LIMK1: variants seen among roughly 807,000 people sequenced by gnomAD.
LIMK1 encodes the protein LIM domain kinase 1, also known as LIM motif-containing protein kinase.
In LIMK1, 21 loss-of-function variants were observed where a neutral mutation model predicts 77.6. That is an observed-to-expected ratio of 0.27 (90% confidence interval 0.19 to 0.39). LIMK1 has a LOEUF of 0.39. LIMK1 is among the 10% of genes least tolerant of loss of function. The probability of loss-of-function intolerance (pLI) is 1.00; values close to 1 mark genes in which losing one functional copy is unlikely to be tolerated. For missense variants in LIMK1, 696 were observed against 901.6 expected (o/e 0.77, Z 2.92); for synonymous variants, 358 against 370.0 (o/e 0.97, Z 0.37).
At chr7:74,102,768 T>C (rs1799492646) in intron 5 of LIMK1, among the ~76,000 whole-genome samples, 1 of 152,078 alleles carries the variant, frequency 6.6e-6, no homozygotes, top group African/African-American at 2.4e-5. Context: ...CTATTGTCTC[T>C]ATACTGAACT....
chr7:74,105,784 C>T (rs1799556921), intron 5 of LIMK1, 91 bp from the exon 6 acceptor site: 4 of 810,222 alleles, frequency 4.9e-6, no homozygotes, highest in Non-Finnish European at 6.1e-6. Context: ...CCTCCACCTG[C>T]TCACCCTGGA....
At chr7:74,113,368 G>A (rs1554698925) in intron 12 of LIMK1, among the ~76,000 whole-genome samples, 1 of 151,818 alleles carries the variant, frequency 6.6e-6, no homozygotes, top group African/African-American at 2.4e-5. Flanking sequence ...GCTCACGCCT[G>A]TAATCCCAGC....
At position 74,121,250 on chromosome 7, in the gene LIMK1, C is replaced by A. The variant is rs782179446; in HGVS notation, c.1893C>A (p.Thr631=). 3 of 1,613,294 alleles carry A rather than the reference C, an allele frequency of 1.9e-6. No individual in the cohort carries two copies. The highest frequency in any genetic ancestry group is 2.5e-6 in the Non-Finnish European group (3 of 1,179,872). The change falls in exon 16 of 16, where the codon ACC becomes ACA. Residue 631 remains threonine (T), a synonymous_variant. Coordinates refer to ENST00000336180, the MANE Select transcript of LIMK1 (RefSeq NM_002314.4). ...AGCTGGACAGAGGTTTCTGGGAGACCTACCGGCGCGGCGAGAGCGGACTGC... is the reference window on the plus strand; with the variant it reads ...AGCTGGACAGAGGTTTCTGGGAGACATACCGGCGCGGCGAGAGCGGACTGC... ...LEQLDRGFWE[T]YRRGESGLPA... is the part of the protein sequence containing the mutation.
intron 10 of LIMK1, 30 bp downstream of exon 10, chr7:74,109,066 G>C: frequency 6.4e-7 from 1 of 1,566,146 alleles, no homozygotes; most frequent in Non-Finnish European, 8.7e-7. Flanking sequence ...AGCCACCCCC[G>C]CTGTGCGGCC....
chr7:74,088,576 A>T (rs782559897), intron 2 of LIMK1, among the ~76,000 whole-genome samples: 5 of 152,010 alleles, frequency 3.3e-5, no homozygotes, highest in Non-Finnish European at 5.9e-5. Flanking sequence ...CGAGGCAGGC[A>T]GATCACTTGA....
At chr7:74,102,390 A>G (rs1799479029) in intron 5 of LIMK1, among the ~76,000 whole-genome samples, 1 of 150,808 alleles carries the variant, frequency 6.6e-6, no homozygotes, top group Admixed American at 6.7e-5. Context: ...ACATACATGT[A>G]CATGTTGTTA....
intron 12 of LIMK1, among the ~76,000 whole-genome samples, chr7:74,113,661 C>T (rs538522414): frequency 4.6e-5 from 7 of 151,694 alleles, no homozygotes; most frequent in African/African-American, 1.5e-4. Flanking sequence ...GAGGGGCTGA[C>T]AAGAGACCCC....
At chr7:74,093,278 G>T in intron 2 of LIMK1, 1 of 1,535,998 alleles carries the variant, frequency 6.5e-7, no homozygotes, top group South Asian at 1.2e-5. Flanking sequence ...CCAAGAAGAC[G>T]CCGCTTCCTC....
chr7:74,093,633 C>G (rs1168998309), intron 2 of LIMK1, among the ~76,000 whole-genome samples: 1 of 152,214 alleles, frequency 6.6e-6, no homozygotes, highest in Non-Finnish European at 1.5e-5. Context: ...GCAGAGCACC[C>G]CTTTCATGCC....
At chr7:74,107,990 G>A in intron 9 of LIMK1, 33 bp downstream of exon 9, 1 of 1,471,792 alleles carries the variant, frequency 6.8e-7, no homozygotes, top group Non-Finnish European at 9.3e-7. Flanking sequence ...TCCCTCCAGA[G>A]GGACTTCCAG....
intron 13 of LIMK1, 42 bp from the exon 14 acceptor site, chr7:74,120,541 C>T (rs375444246): frequency 5.6e-6 from 9 of 1,608,376 alleles, no homozygotes; most frequent in Non-Finnish European, 7.7e-6. Context: ...ATCCCTGGCA[C>T]CCCCATGTGT....
At chr7:74,105,095 A>G (rs1799540712) in intron 5 of LIMK1, among the ~76,000 whole-genome samples, 1 of 152,190 alleles carries the variant, frequency 6.6e-6, no homozygotes. Flanking sequence ...CTAGGACTAC[A>G]GGCGCCCACT....
chr7:74,108,788 G>T, intron 9 of LIMK1, 117 bp from the exon 10 acceptor site: 1 of 1,474,860 alleles, frequency 6.8e-7, no homozygotes, highest in South Asian at 1.3e-5. Context: ...GGGGAGCTGG[G>T]GGTTCCGTAT....
intron 2 of LIMK1, among the ~76,000 whole-genome samples, chr7:74,086,453 G>A (rs112601418): frequency 0.034 from 5,151 of 152,038 alleles, 300 homozygotes; most frequent in African/African-American, 0.12. Flanking sequence ...TCCATCTCCC[G>A]GGCTAAAGTG....
At chr7:74,106,371 G>C in intron 7 of LIMK1, 128 bp downstream of exon 7, 1 of 973,324 alleles carries the variant, frequency 1.0e-6, no homozygotes. Context: ...GGAGGTGGAG[G>C]CTGCAGTAAG....
At chr7:74,095,102 A>G (rs1438946130) in intron 2 of LIMK1, among the ~76,000 whole-genome samples, 1 of 152,164 alleles carries the variant, frequency 6.6e-6, no homozygotes, top group Non-Finnish European at 1.5e-5. Flanking sequence ...CAGACAGCCC[A>G]TGAGTGATAC....
In LIMK1 at chr7:74,118,959, G is replaced by A. The variant is rs118049027; in HGVS notation, c.1568-1624G>A. On this transcript the variant is annotated intron_variant, in intron 13 of 15. Transcript: ENST00000336180. ...TCATCCAGGCTAGAATGCATGGTGCGATCTCGGCTCACTGCAAGCTCCGCC... is the reference window on the plus strand; with the variant it reads ...TCATCCAGGCTAGAATGCATGGTGCAATCTCGGCTCACTGCAAGCTCCGCC... Among the ~76,000 whole-genome samples the A allele has an allele frequency of 2.6e-4, 39 of 152,082 alleles. No homozygotes were observed. The East Asian group carries it at 6.8e-3, about 26-fold the overall frequency.
At chr7:74,089,955 G>C (rs898079636) in intron 2 of LIMK1, among the ~76,000 whole-genome samples, 1 of 152,136 alleles carries the variant, frequency 6.6e-6, no homozygotes, top group East Asian at 1.9e-4. Context: ...GAGGGAAGCC[G>C]TGTTACAGGA....
At chr7:74,106,026 T>C in intron 6 of LIMK1, 46 bp downstream of exon 6, 1 of 1,612,960 alleles carries the variant, frequency 6.2e-7, no homozygotes, top group Non-Finnish European at 8.5e-7. Flanking sequence ...AGTGCCTTCA[T>C]GCCTAGCCCC....
Sources: allele counts gnomAD v4.1 joint callset (sites outside exome capture counted in the v4.1 genomes callset), GRCh38; gene constraint gnomAD v4.1.1; transcripts MANE v1.5; gene names NCBI Gene and HGNC (gene_info 2026-07-23, HGNC 2026-07-21).